The following GRM7 variants were observed in gnomAD, a reference collection of about 807,000 sequenced individuals.
GRM7 encodes the protein glutamate metabotropic receptor 7.
GRM7 carries 35 observed loss-of-function variants against 84.5 expected under a neutral mutation model. The ratio of observed to expected loss-of-function variants is 0.41; its 90% CI spans 0.32 to 0.55. GRM7 has a LOEUF of 0.55. GRM7 is among the 20% of genes least tolerant of loss of function. GRM7 has a pLI of 0.19. For missense variants in GRM7, 1,003 were observed against 1,194.6 expected (o/e 0.84, Z 2.36); for synonymous variants, 487 against 455.1 (o/e 1.07, Z -0.89).
At chr3:7,373,077 CA>C in intron 4 of GRM7, among the ~76,000 whole-genome samples, 1 of 152,098 alleles carries the variant, frequency 6.6e-6, no homozygotes, top group Non-Finnish European at 1.5e-5. Context: ...TGAAGGCACT[CA>C]AACTGTTTTA....
chr3:7,282,878 G>A lies in GRM7; in HGVS notation c.737-15806G>A, dbSNP rs547962655. On this transcript the variant is annotated intron_variant, in intron 2 of 9. Coordinates refer to ENST00000357716, the MANE Select transcript of GRM7 (RefSeq NM_000844.4). ...GAGAGGAACTCATTTGAAAAATGTG[G>A]ACCAGAGGAATTTACATTTATCCTT... 1.2e-4 allele frequency among the ~76,000 whole-genome samples: 18 copies of A among 152,252 alleles called. No homozygotes were observed. In the South Asian group the frequency reaches 1.7e-3, roughly 14 times the overall value.
intron 4 of GRM7, among the ~76,000 whole-genome samples, chr3:7,340,946 T>C (rs1701614500): frequency 6.6e-6 from 1 of 152,216 alleles, no homozygotes; most frequent in Admixed American, 6.5e-5. Flanking sequence ...CCCCTGCTTG[T>C]ACCTGGCACC....
chr3:6,949,665 C>G (rs9875368), intron 1 of GRM7, among the ~76,000 whole-genome samples: 2,031 of 151,948 alleles, frequency 0.013, 38 homozygotes, highest in African/African-American at 0.045. Flanking sequence ...CAACTTGGTT[C>G]CATTCTCCCT....
chr3:7,057,373 C>A (rs976226759), intron 1 of GRM7, among the ~76,000 whole-genome samples: 1 of 151,790 alleles, frequency 6.6e-6, no homozygotes, highest in Non-Finnish European at 1.5e-5. Context: ...TTAGTAGATA[C>A]AAAGTAATGC....
intron 1 of GRM7, among the ~76,000 whole-genome samples, chr3:6,883,830 A>G (rs373687600): frequency 8.5e-5 from 13 of 152,216 alleles, no homozygotes; most frequent in African/African-American, 3.1e-4. Flanking sequence ...CAGTCAGCCC[A>G]GCCAACATGT....
chr3:6,951,724 T>C (rs1485837623), intron 1 of GRM7, among the ~76,000 whole-genome samples: 1 of 152,196 alleles, frequency 6.6e-6, no homozygotes. Context: ...GAAAAAAATA[T>C]ATGTGTGTTC....
intron 1 of GRM7, among the ~76,000 whole-genome samples, chr3:7,044,515 A>T (rs1046068198): frequency 7.9e-5 from 12 of 152,190 alleles, no homozygotes; most frequent in African/African-American, 2.9e-4. Context: ...AGTTTTCAAC[A>T]CTTCCCAATC....
At chr3:7,597,728 T>C (rs1696116495) in intron 8 of GRM7, among the ~76,000 whole-genome samples, 1 of 152,156 alleles carries the variant, frequency 6.6e-6, no homozygotes, top group Non-Finnish European at 1.5e-5. Context: ...TTAAAGTATG[T>C]TTTTTTGCTA....
At chr3:7,327,834 C>T (rs977241261) in intron 4 of GRM7, among the ~76,000 whole-genome samples, 1 of 152,190 alleles carries the variant, frequency 6.6e-6, no homozygotes, top group Non-Finnish European at 1.5e-5. Flanking sequence ...TTAAACTCAC[C>T]TAATTTCAAA....
intron 1 of GRM7, among the ~76,000 whole-genome samples, chr3:6,906,466 A>G (rs2125011449): frequency 6.6e-6 from 1 of 152,298 alleles, no homozygotes. Context: ...CTTCTATCTT[A>G]TAAGAACAAT....
At chr3:7,444,515 C>T (rs1031485663) in intron 5 of GRM7, among the ~76,000 whole-genome samples, 3 of 152,088 alleles carry the variant, frequency 2.0e-5, no homozygotes, top group Non-Finnish European at 4.4e-5. Flanking sequence ...TAGTGACAAA[C>T]GGTGTTTTTA....
intron 4 of GRM7, among the ~76,000 whole-genome samples, chr3:7,356,894 C>T (rs1008167039): frequency 7.1e-6 from 1 of 140,980 alleles, no homozygotes; most frequent in African/African-American, 2.7e-5. Context: ...TTGTAGACAG[C>T]CTATCATGGA....
At chr3:6,918,336 AT>A (rs1697011760) in intron 1 of GRM7, among the ~76,000 whole-genome samples, 1 of 152,192 alleles carries the variant, frequency 6.6e-6, no homozygotes, top group African/African-American at 2.4e-5. Flanking sequence ...GACATAGGGA[AT>A]AAACTGTATT....
chr3:7,712,435 C>T (rs905393539), intron 9 of GRM7, among the ~76,000 whole-genome samples: 6 of 151,786 alleles, frequency 4.0e-5, no homozygotes, highest in African/African-American at 1.2e-4. Context: ...CCTCCCTCTC[C>T]TTCTCTCTCT....
chr3:7,409,791 A>AGG (rs1559301913), intron 4 of GRM7, among the ~76,000 whole-genome samples: 1 of 151,922 alleles, frequency 6.6e-6, no homozygotes, highest in Non-Finnish European at 1.5e-5. Context: ...TAGTAGAGGT[A>AGG]GGGTTTCACC....
At chr3:7,735,843 C>A (rs1358405112) in intron 9 of GRM7, among the ~76,000 whole-genome samples, 1 of 152,130 alleles carries the variant, frequency 6.6e-6, no homozygotes, top group Admixed American at 6.5e-5. Context: ...ATATTAAAGG[C>A]TTTTGAAATC....
intron 2 of GRM7, among the ~76,000 whole-genome samples, chr3:7,216,599 T>G (rs1243489970): frequency 6.6e-6 from 1 of 152,190 alleles, no homozygotes; most frequent in Admixed American, 6.5e-5. Flanking sequence ...TGTGGTCACA[T>G]CTTTCAATAT....
intron 7 of GRM7, among the ~76,000 whole-genome samples, chr3:7,512,432 A>G (rs1016923827): frequency 5.9e-5 from 9 of 152,358 alleles, no homozygotes; most frequent in Admixed American, 1.3e-4. Flanking sequence ...TGGAGAGCCC[A>G]AACACAGTGG....
chr3:7,310,814 G>A (rs986565864), intron 4 of GRM7, among the ~76,000 whole-genome samples: 1 of 152,016 alleles, frequency 6.6e-6, no homozygotes, highest in Admixed American at 6.5e-5. Flanking sequence ...TATGGTTTCT[G>A]AGTTATACCC....
Sources: gnomAD v4.1 joint callset for allele counts (sites outside exome capture counted in the v4.1 genomes callset) on GRCh38, gnomAD v4.1.1 for gene constraint, MANE v1.5 for transcripts, NCBI Gene and HGNC (gene_info 2026-07-23, HGNC 2026-07-21) for gene names.